The following CHD2 variants were observed in gnomAD, a reference collection of about 807,000 sequenced individuals.
CHD2 encodes the protein ATP-dependent chromatin remodeler CHD2.
CHD2 carries 28 observed loss-of-function variants against 243.9 expected under a neutral mutation model. The ratio of observed to expected loss-of-function variants is 0.11; its 90% confidence interval spans 0.09 to 0.16. The LOEUF (loss-of-function observed/expected upper bound fraction) is 0.16, where lower values mean the gene tolerates loss of function less well. Among genes scored for constraint, CHD2 ranks in the 10% least tolerant of loss-of-function variants. The probability of loss-of-function intolerance (pLI) is 1.00; values close to 1 mark genes in which losing one functional copy is unlikely to be tolerated. For synonymous variants in CHD2, 775 were observed against 779.0 expected, an observed-to-expected ratio of 0.99 and a Z score of 0.09; for missense variants, 1,386 against 2,209.8, an observed-to-expected ratio of 0.63 and a Z score of 7.47.
At chr15:92,906,716 A>G (rs2052629341) in intron 2 of CHD2, among the ~76,000 whole-genome samples, 1 of 142,724 alleles carries the variant, frequency 7.0e-6, no homozygotes, top group Admixed American at 7.2e-5. Context: ...GCTTCTTGGT[A>G]ACCTTAGAAC....
chr15:92,921,441 G>A (rs891495400), intron 2 of CHD2: 1 of 152,160 alleles, frequency 6.6e-6, no homozygotes, highest in Non-Finnish European at 1.5e-5. Context: ...CCTTTGCTAT[G>A]GGAATACAGT....
intron 5 of CHD2, among the ~76,000 whole-genome samples, chr15:92,932,218 C>A (rs1426501316): frequency 6.6e-6 from 1 of 150,552 alleles, no homozygotes; most frequent in African/African-American, 2.4e-5. Flanking sequence ...CCAATAAAGT[C>A]TTTCATAATA....
chr15:92,980,741 A>G (rs2053969096), intron 22 of CHD2, 74 bp from the exon 23 acceptor site: 1 of 1,043,960 alleles, frequency 9.6e-7, no homozygotes, highest in African/African-American at 1.6e-5. Context: ...CCTCTTTCTG[A>G]AGGATAGTTA....
chr15:93,011,931 A>G (rs900016337), intron 35 of CHD2, among the ~76,000 whole-genome samples: 1 of 152,184 alleles, frequency 6.6e-6, no homozygotes, highest in Non-Finnish European at 1.5e-5. Flanking sequence ...AGGAAAACTT[A>G]AAAGGACTGG....
At chr15:92,950,439 G>A (rs115235365) in intron 13 of CHD2, 1 of 152,184 alleles carries the variant, frequency 6.6e-6, no homozygotes, top group Non-Finnish European at 1.5e-5. Flanking sequence ...AGTGTAAGAA[G>A]TACCTTTAAT....
intron 13 of CHD2, among the ~76,000 whole-genome samples, 186 bp from the exon 14 acceptor site, chr15:92,953,171 T>C (rs71412588): frequency 3.9e-5 from 6 of 152,244 alleles, no homozygotes; most frequent in African/African-American, 1.4e-4. Flanking sequence ...CTTTTTATGG[T>C]TTCTACTTTC....
intron 31 of CHD2, among the ~76,000 whole-genome samples, chr15:92,999,765 A>G (rs987176341): frequency 1.3e-5 from 2 of 152,224 alleles, no homozygotes; most frequent in African/African-American, 4.8e-5. Flanking sequence ...GTTACAGATC[A>G]TATCTGATTA....
chr15:92,971,722 G>GT (rs771709766), intron 17 of CHD2, 43 bp from the exon 18 acceptor site: 43 of 1,560,950 alleles, frequency 2.8e-5, no homozygotes, highest in African/African-American at 5.5e-5. Flanking sequence ...ACAACTTTCT[G>GT]TTTTTTTGTA....
chr15:92,909,452 G>A (rs1413607764), intron 2 of CHD2, among the ~76,000 whole-genome samples: 6 of 152,204 alleles, frequency 3.9e-5, no homozygotes, highest in African/African-American at 1.2e-4. Flanking sequence ...GTGCCTGCTA[G>A]CTGGTAATCT....
intron 34 of CHD2, 95 bp from the exon 35 acceptor site, chr15:93,009,050 G>C: frequency 7.5e-7 from 1 of 1,335,814 alleles, no homozygotes; most frequent in South Asian, 1.4e-5. Flanking sequence ...TATGGCATAG[G>C]GGTGGGCTGT....
intron 7 of CHD2, among the ~76,000 whole-genome samples, chr15:92,940,843 T>A (rs1248953635): frequency 9.4e-5 from 13 of 137,746 alleles, no homozygotes; most frequent in South Asian, 2.2e-4. Flanking sequence ...TATATAAAAA[T>A]ATATATAAAT....
chr15:93,008,249 C>A (rs2054347034), intron 34 of CHD2, among the ~76,000 whole-genome samples: 1 of 152,200 alleles, frequency 6.6e-6, no homozygotes, highest in African/African-American at 2.4e-5. Flanking sequence ...CTCATGTGCT[C>A]AGGTAATCCT....
chr15:93,014,998 T>A (rs755670847), intron 37 of CHD2, 89 bp downstream of exon 37: 5 of 999,566 alleles, frequency 5.0e-6, no homozygotes, highest in Non-Finnish European at 4.7e-6. Flanking sequence ...CTGGCTAGAC[T>A]TCTGTGCTTT....
At position 92,972,266 on chromosome 15, in the gene CHD2, C is replaced by T; in HGVS notation, c.2354C>T (p.Ser785Phe). Residue 785 changes from serine (S) to phenylalanine (F), a missense_variant and splice_region_variant, in exon 19 of 39, where the codon TCC becomes TTC. Physicochemically the swap from Ser to Phe is radical, Grantham distance 155. Transcript: ENST00000394196. ...TTGGAATGTCTTTTAAATCTTCAGT[C>T]CCTCATAAGGAGCAGTGGGAAGTTG... Reference protein sequence around the residue: ...ERENGQEILLSLIRSSGKLIL... With the variant: ...ERENGQEILLFLIRSSGKLIL... The T allele has an allele frequency of 6.2e-7, 1 of 1,607,308 alleles. No homozygotes were observed. Among genetic ancestry groups the T allele is most frequent in the African/African-American group, 1.3e-5 (1 of 74,400 alleles).
chr15:92,914,969 T>G (rs1307153329), intron 2 of CHD2: 1 of 152,250 alleles, frequency 6.6e-6, no homozygotes, highest in Non-Finnish European at 1.5e-5. Flanking sequence ...TCACACTGTC[T>G]GTCTGGGGAT....
intron 2 of CHD2, among the ~76,000 whole-genome samples, chr15:92,910,977 A>T (rs2052723576): frequency 6.6e-6 from 1 of 152,204 alleles, no homozygotes; most frequent in South Asian, 2.1e-4. Context: ...GCTGTAGGTG[A>T]TTGTAATACA....
chr15:92,994,735 C>A (rs2054165709), intron 28 of CHD2, among the ~76,000 whole-genome samples: 1 of 152,172 alleles, frequency 6.6e-6, no homozygotes, highest in Non-Finnish European at 1.5e-5. Context: ...AATGGTAGTA[C>A]AGCATGCACA....
rs141410867 is a variant in CHD2 at position 92,967,581 on chromosome 15, T to C, written c.2189+68T>C. 5,147 of 1,051,620 alleles carry C rather than the reference T, an allele frequency of 4.9e-3. 277 individuals carry two copies. In the Admixed American group the frequency reaches 0.11, roughly 22 times the overall value. 65.1% of individuals were successfully genotyped at this position (1,051,620 alleles called of 1,614,324 possible). A position where few individuals can be genotyped will look rare whatever the true frequency, so the allele number is the denominator to read the frequency against. On this transcript the variant is annotated intron_variant, in intron 17 of 38. Transcript: ENST00000394196. The stretch of plus-strand genomic sequence containing the variant: ...TACCATGAAACTATTAGATAGGAGA[T>C]ATATATATATACTTTTGTTTTTTTT...
chr15:92,929,815 C>G (rs1477352605), intron 5 of CHD2, among the ~76,000 whole-genome samples: 1 of 151,820 alleles, frequency 6.6e-6, no homozygotes, highest in South Asian at 2.1e-4. Flanking sequence ...TCCATGGCTT[C>G]TATTAAGAGC....
Sources: gnomAD v4.1 joint callset for allele counts (sites outside exome capture counted in the v4.1 genomes callset) on GRCh38, gnomAD v4.1.1 for gene constraint, MANE v1.5 for transcripts, NCBI Gene and HGNC (gene_info 2026-07-23, HGNC 2026-07-21) for gene names.